The following NEMF variants were observed in gnomAD, a reference collection of about 807,000 sequenced individuals.
NEMF encodes ribosome quality control complex subunit NEMF.
NEMF carries 89 observed loss-of-function variants against 162.2 expected under a neutral mutation model. The observed-to-expected ratio is 0.55, with a 90% CI of 0.46 to 0.65. The LOEUF is 0.65. Ranked by LOEUF, NEMF falls within the 30% of genes least tolerant of loss-of-function variation. NEMF has a pLI of 0.00. For missense variants in NEMF, 1,133 were observed against 1,261.9 expected (o/e 0.90, Z 1.55); for synonymous variants, 421 against 404.5 (o/e 1.04, Z -0.49).
intron 16 of NEMF, among the ~76,000 whole-genome samples, chr14:49,822,668 T>TA (rs59170500): frequency 4.3e-5 from 2 of 46,142 alleles, no homozygotes; most frequent in African/African-American, 9.0e-5. Flanking sequence ...AGTCTCTACT[T>TA]AAAAAAAAAA....
At chr14:49,809,431 C>T (rs1249170272) in intron 18 of NEMF, among the ~76,000 whole-genome samples, 4 of 151,932 alleles carry the variant, frequency 2.6e-5, no homozygotes, top group African/African-American at 4.8e-5. Flanking sequence ...CAGTGGTTGT[C>T]GGGGGTTGGG....
In NEMF at chr14:49,789,255, G is replaced by A. The variant is rs568568779; in HGVS notation, c.2786C>T (p.Pro929Leu). 10 of 1,614,060 alleles carry A rather than the reference G, an allele frequency of 6.2e-6. No homozygotes were observed. In the East Asian group the frequency reaches 2.0e-4, roughly 32 times the overall value. Residue 929 changes from proline to leucine, a missense_variant, in exon 28 of 33, where the codon CCT becomes CTT. By Grantham distance (98) the Pro-to-Leu change is moderately conservative. Coordinates refer to ENST00000298310, the MANE Select transcript of NEMF (RefSeq NM_004713.6). ...GTCAGAGACCCTCTGTCCACCTCTAGGTTTCTGGGGCTGTTTCTTCACAGG... is the reference window on the plus strand; with the variant it reads ...GTCAGAGACCCTCTGTCCACCTCTAAGTTTCTGGGGCTGTTTCTTCACAGG... ...DEPVKKQPQK[P>L]RGGQRVSDNI...
chr14:49,849,051 G>A (rs904390904), intron 3 of NEMF, among the ~76,000 whole-genome samples: 25 of 152,062 alleles, frequency 1.6e-4, no homozygotes, highest in African/African-American at 5.5e-4. Flanking sequence ...ACTGAAATTC[G>A]CATTTTATAT....
chr14:49,833,819 G>A, intron 7 of NEMF, among the ~76,000 whole-genome samples: 1 of 152,098 alleles, frequency 6.6e-6, no homozygotes, highest in East Asian at 1.9e-4. Flanking sequence ...AAAACTTACA[G>A]TTTTAATTAC....
In NEMF at chr14:49,787,798, A is replaced by C. The variant is rs1890247289; in HGVS notation, c.2896-1048T>G. ...GGATATTGTACAAATTTTAAAAGCC[A>C]AAACGAGTTTTAGTATTACTAAACA... On this transcript the variant is annotated intron_variant, in intron 28 of 32. Transcript: ENST00000298310. Among the ~76,000 whole-genome samples, 3 of 152,208 alleles carry C rather than the reference A, an allele frequency of 2.0e-5. No individual in the cohort carries two copies. In the South Asian group the frequency reaches 6.2e-4, roughly 32 times the overall value.
intron 26 of NEMF, 85 bp from the exon 27 acceptor site, chr14:49,789,658 T>C: frequency 6.6e-7 from 1 of 1,523,278 alleles, no homozygotes; most frequent in Non-Finnish European, 8.7e-7. Context: ...TGTTACTTTA[T>C]ATTCTCTGTC....
intron 18 of NEMF, among the ~76,000 whole-genome samples, chr14:49,810,793 C>T (rs980115645): frequency 6.6e-6 from 1 of 152,254 alleles, no homozygotes; most frequent in South Asian, 2.1e-4. Context: ...GAGCTCGACA[C>T]TAGTCTGGAC....
rs193119450 is a variant in NEMF, at chr14:49,800,359, G to A, written c.2372+61C>T. On this transcript the variant is annotated intron_variant, in intron 23 of 32. Coordinates refer to ENST00000298310, the MANE Select transcript of NEMF (RefSeq NM_004713.6). ...TCAATCTTGGTATTATCTTTGTAAG[G>A]ATTACCTCATCATCATTCTCAGCTT... is the stretch of plus-strand genomic sequence containing the variant. 3 of 1,207,370 alleles carry A rather than the reference G, an allele frequency of 2.5e-6. No individual in the cohort carries two copies. The Admixed American group carries it at 7.1e-5, about 29-fold the overall frequency. 74.8% of individuals were successfully genotyped at this position (1,207,370 alleles called of 1,614,324 possible).
chr14:49,851,020 A>G (rs964842191), intron 3 of NEMF, among the ~76,000 whole-genome samples: 1 of 152,188 alleles, frequency 6.6e-6, no homozygotes, highest in Non-Finnish European at 1.5e-5. Flanking sequence ...ACTGGCCAAC[A>G]TGGTGAAACC....
chr14:49,838,033 G>A (rs1892994196), intron 6 of NEMF, 106 bp downstream of exon 6: 1 of 794,892 alleles, frequency 1.3e-6, no homozygotes, highest in African/African-American at 1.7e-5. Context: ...CTTACTCCAA[G>A]GATCACTTGT....
chr14:49,822,458 T>C (rs955634176), intron 16 of NEMF, among the ~76,000 whole-genome samples: 12 of 150,542 alleles, frequency 8.0e-5, no homozygotes, highest in South Asian at 4.2e-4. Context: ...GAGGTGAAGG[T>C]TGCAGTGAGC....
intron 25 of NEMF, 65 bp downstream of exon 25, chr14:49,799,410 C>A: frequency 7.5e-7 from 1 of 1,330,666 alleles, no homozygotes; most frequent in Non-Finnish European, 1.0e-6. Context: ...TCTGTGGTAG[C>A]TGAGCTATCA....
At position 49,828,676 on chromosome 14, in the gene NEMF, T is replaced by C. The variant is rs562373491; in HGVS notation, c.1364A>G (p.Lys455Arg). 6.7e-5 allele frequency: 107 copies of C among 1,599,326 alleles called. No homozygotes were observed. In the East Asian group the frequency reaches 2.4e-3, roughly 36 times the overall value. Residue 455 changes from lysine (K) to arginine (R), a missense_variant, in exon 14 of 33, where the codon AAA becomes AGA. Around this residue, in one of 3 missense-constraint regions of NEMF, gnomAD observed 582 missense variants for 631.5 expected, o/e 0.92. Transcript: ENST00000298310. ...QKNKQLQKPQ[K>R]NKPLLVDVDL... The stretch of plus-strand genomic sequence containing the variant: ...AACATCTACAAGTAAGGGCTTATTT[T>C]TCTGAGGCTTCTGCAGCTGTTTATT...
At chr14:49,804,666 A>T (rs1038783157) in intron 19 of NEMF, among the ~76,000 whole-genome samples, 2 of 15,920 alleles carry the variant, frequency 1.3e-4, no homozygotes, top group Non-Finnish European at 1.4e-3. Flanking sequence ...ATTCCATCTC[A>T]TAAAAAAAAA....
rs771868409 is a variant in NEMF, at chr14:49,828,401, TCA to T, written c.1425-49_1425-48del. On this transcript the variant is annotated intron_variant, in intron 14 of 32. Coordinates refer to ENST00000298310, the MANE Select transcript of NEMF (RefSeq NM_004713.6). ...AAATTTTAAGTATAATATTTATTCTTCAGTTTTCTACTTAGTTCTAACTTGAC... is the reference window on the plus strand; with the variant it reads ...AAATTTTAAGTATAATATTTATTCTTGTTTTCTACTTAGTTCTAACTTGAC... 3.2e-5 allele frequency: 40 copies of T among 1,263,714 alleles called. 1 individual carries two copies. The South Asian group carries it at 5.0e-4, about 16-fold the overall frequency. 78.3% of individuals were successfully genotyped at this position (1,263,714 alleles called of 1,614,324 possible).
At chr14:49,849,793 C>T (rs1436669039) in intron 3 of NEMF, 1 of 152,160 alleles carries the variant, frequency 6.6e-6, no homozygotes, top group East Asian at 1.9e-4. Context: ...TTAAAAAGTG[C>T]TACACAACAG....
chr14:49,793,837 A>C (rs1890563221), intron 26 of NEMF, among the ~76,000 whole-genome samples: 1 of 152,124 alleles, frequency 6.6e-6, no homozygotes, highest in African/African-American at 2.4e-5. Context: ...ACTCAAACTG[A>C]CAATGTAGTA....
intron 18 of NEMF, among the ~76,000 whole-genome samples, chr14:49,810,053 A>C (rs773302144): frequency 1.3e-5 from 2 of 151,602 alleles, no homozygotes; most frequent in Admixed American, 6.6e-5. Context: ...GTGAACCTAA[A>C]ACTGGTCGAA....
At chr14:49,832,408 T>G (rs746315959) in intron 8 of NEMF, 131 bp from the exon 9 acceptor site, 3 of 595,138 alleles carry the variant, frequency 5.0e-6, no homozygotes, top group African/African-American at 1.9e-5. Flanking sequence ...CTCGGCTCAC[T>G]GCAACCTCTG....
Sources: gnomAD v4.1 joint callset for allele counts (sites outside exome capture counted in the v4.1 genomes callset) on GRCh38, gnomAD v4.1.1 for gene constraint, gnomAD v4.1.1 regional missense constraint, MANE v1.5 for transcripts, NCBI Gene and HGNC (gene_info 2026-07-23, HGNC 2026-07-21) for gene names.